The following NXPH1 variants were observed in gnomAD, a reference collection of about 807,000 sequenced individuals.
NXPH1 encodes the protein neurexophilin 1, also known as neurexophilin-1.
A neutral mutation model predicts 23.7 loss-of-function variants in NXPH1; 5 were observed. The observed-to-expected ratio is 0.21, with a 90% CI of 0.11 to 0.44. The LOEUF is 0.44. NXPH1 is among the 20% of genes least tolerant of loss of function. NXPH1 has a pLI of 0.99. For missense variants in NXPH1, 324 were observed against 321.6 expected (o/e 1.01, Z -0.06); for synonymous variants, 144 against 122.2 (o/e 1.18, Z -1.18).
chr7:8,497,480 A>C (rs1817356893), intron 2 of NXPH1, among the ~76,000 whole-genome samples: 1 of 152,194 alleles, frequency 6.6e-6, no homozygotes, highest in Non-Finnish European at 1.5e-5. Flanking sequence ...TCCCACCAAC[A>C]GTGTAAAAGT....
At chr7:8,535,245 C>T (rs1452690116) in intron 2 of NXPH1, among the ~76,000 whole-genome samples, 5 of 151,832 alleles carry the variant, frequency 3.3e-5, no homozygotes, top group Admixed American at 2.0e-4. Flanking sequence ...ATGCCTGTCA[C>T]GTTTAGGTTT....
chr7:8,467,589 C>T (rs182175735), intron 2 of NXPH1, among the ~76,000 whole-genome samples: 98 of 152,214 alleles, frequency 6.4e-4, no homozygotes, highest in African/African-American at 2.2e-3. Flanking sequence ...GGATATATAG[C>T]GGTGGGGGCT....
At chr7:8,695,189 T>A (rs1031051393) in intron 2 of NXPH1, among the ~76,000 whole-genome samples, 1 of 152,220 alleles carries the variant, frequency 6.6e-6, no homozygotes, top group African/African-American at 2.4e-5. Context: ...TGTGCTGTAA[T>A]AATATTAGCT....
intron 2 of NXPH1, among the ~76,000 whole-genome samples, chr7:8,732,336 C>T (rs546115087): frequency 1.3e-5 from 2 of 152,370 alleles, no homozygotes; most frequent in South Asian, 4.1e-4. Flanking sequence ...TAGACTGGAG[C>T]TGTTCCCATT....
At position 8,434,090 on chromosome 7, in the gene NXPH1, C is replaced by A. The variant is rs1280685074; in HGVS notation, c.-776C>A. The stretch of plus-strand genomic sequence containing the variant: ...GCCGGGCAGCACCAGGGACAGCGCC[C>A]GGGACTCCACTGGGGACCGGCTCCT... On this transcript the variant is annotated 5_prime_UTR_variant, in exon 1 of 3. Transcript: ENST00000405863. The surrounding 1 kb of genome is among the most constrained non-coding windows in gnomAD (Gnocchi z 7.6). The A allele has an allele frequency of 6.6e-6, 1 of 152,224 alleles. No homozygotes were observed. Among genetic ancestry groups the A allele is most frequent in the African/African-American group, 2.4e-5 (1 of 41,432 alleles). The allele number at this position is 152,224 out of a possible 1,614,324, so 9.4% of individuals were successfully genotyped here.
At chr7:8,587,594 T>C (rs1200588766) in intron 2 of NXPH1, among the ~76,000 whole-genome samples, 1 of 152,128 alleles carries the variant, frequency 6.6e-6, no homozygotes, top group African/African-American at 2.4e-5. Flanking sequence ...CATCAATCCG[T>C]CATCTACATT....
At chr7:8,739,188 A>C (rs959472630) in intron 2 of NXPH1, among the ~76,000 whole-genome samples, 3 of 150,158 alleles carry the variant, frequency 2.0e-5, no homozygotes, top group African/African-American at 4.9e-5. Context: ...AAAAAAAAAA[A>C]AAAAAAAAAA....
At chr7:8,462,142 G>A (rs142204889) in intron 2 of NXPH1, among the ~76,000 whole-genome samples, 3,942 of 152,174 alleles carry the variant, frequency 0.026, 81 homozygotes, top group Middle Eastern at 0.044. Flanking sequence ...CCTGCCTCAT[G>A]GGTTCAAGTG....
At position 8,437,152 on chromosome 7, in the gene NXPH1, A is replaced by C. The variant is rs147273525; in HGVS notation, c.54+1385A>C. 4.5e-3 allele frequency among the ~76,000 whole-genome samples: 682 copies of C among 152,322 alleles called. 1 individual carries two copies. Among genetic ancestry groups the C allele is most frequent in the Non-Finnish European group, 7.0e-3 (474 of 68,028 alleles). The stretch of plus-strand genomic sequence containing the variant: ...TAAACAGGTGAAAGCCAGGGCAGCC[A>C]ATCCAAAAGAACAGCCTTTCTGACT... On this transcript the variant is annotated intron_variant, in intron 2 of 2. Transcript: ENST00000405863.
intron 2 of NXPH1, among the ~76,000 whole-genome samples, chr7:8,654,016 T>A (rs942946064): frequency 2.6e-5 from 4 of 152,204 alleles, no homozygotes; most frequent in Non-Finnish European, 5.9e-5. Flanking sequence ...GGGCTTTCAT[T>A]GTAGTTTTGC....
At chr7:8,609,573 G>C (rs1157758033) in intron 2 of NXPH1, among the ~76,000 whole-genome samples, 1 of 152,054 alleles carries the variant, frequency 6.6e-6, no homozygotes, top group Non-Finnish European at 1.5e-5. Flanking sequence ...GATATTTCTT[G>C]GTACAAAGCA....
At chr7:8,476,569 G>T (rs1816975222) in intron 2 of NXPH1, among the ~76,000 whole-genome samples, 1 of 151,586 alleles carries the variant, frequency 6.6e-6, no homozygotes, top group Non-Finnish European at 1.5e-5. Flanking sequence ...TTGATATATA[G>T]GTGTTATGTT....
intron 2 of NXPH1, among the ~76,000 whole-genome samples, chr7:8,600,694 A>G (rs148486122): frequency 8.4e-4 from 128 of 152,282 alleles, no homozygotes; most frequent in African/African-American, 2.8e-3. Flanking sequence ...TCTCTTCTCT[A>G]TTACTTATGA....
chr7:8,619,132 T>A (rs867841892), intron 2 of NXPH1, among the ~76,000 whole-genome samples: 37 of 152,314 alleles, frequency 2.4e-4, no homozygotes, highest in African/African-American at 8.4e-4. Context: ...ATGTCTGCCC[T>A]GGTACCCTTG....
Position 8,442,739 on chromosome 7 carries a change from C to A in NXPH1, c.54+6972C>A, listed in dbSNP as rs1462221623. Among the ~76,000 whole-genome samples, 3 of 152,230 alleles carry A rather than the reference C, an allele frequency of 2.0e-5. No individual in the cohort carries two copies. Among genetic ancestry groups the A allele is most frequent in the African/African-American group, 4.8e-5 (2 of 41,458 alleles). On this transcript the variant is annotated intron_variant, in intron 2 of 2. Transcript: ENST00000405863. The surrounding 1 kb of genome is among the most constrained non-coding windows in gnomAD (Gnocchi z 4.6). The stretch of plus-strand genomic sequence containing the variant: ...ATTGTCTGCTTTCAGTCGCAGGTGA[C>A]CTCGAGCGATCTCGACAGGTTTATG...
chr7:8,567,968 A>G (rs747210704), intron 2 of NXPH1, among the ~76,000 whole-genome samples: 2 of 151,908 alleles, frequency 1.3e-5, no homozygotes, highest in Non-Finnish European at 2.9e-5. Flanking sequence ...TATAGAAAAT[A>G]ATTTGGCCGA....
chr7:8,656,352 G>C (rs994737604), intron 2 of NXPH1, among the ~76,000 whole-genome samples: 1 of 152,106 alleles, frequency 6.6e-6, no homozygotes, highest in Non-Finnish European at 1.5e-5. Context: ...CTTAATATAT[G>C]CTAGACACTG....
At chr7:8,732,657 A>T (rs183898372) in intron 2 of NXPH1, among the ~76,000 whole-genome samples, 7 of 152,158 alleles carry the variant, frequency 4.6e-5, no homozygotes, top group Non-Finnish European at 8.8e-5. Context: ...TTTATTCATT[A>T]TTATAACCAT....
At chr7:8,505,022 C>T (rs1032007409) in intron 2 of NXPH1, among the ~76,000 whole-genome samples, 1 of 152,088 alleles carries the variant, frequency 6.6e-6, no homozygotes, top group Non-Finnish European at 1.5e-5. Flanking sequence ...CTACACAGCC[C>T]TGCAAGAGTA....
Sources: gnomAD v4.1 joint callset for allele counts (sites outside exome capture counted in the v4.1 genomes callset) on GRCh38, gnomAD v4.1.1 for gene constraint, Gnocchi (gnomAD v3.1) non-coding constraint, MANE v1.5 for transcripts, NCBI Gene and HGNC (gene_info 2026-07-23, HGNC 2026-07-21) for gene names.